PCLO: variants seen among roughly 807,000 people sequenced by gnomAD.
The protein encoded by PCLO is protein piccolo.
A neutral mutation model predicts 427.5 loss-of-function variants in PCLO; 82 were observed. The observed-to-expected ratio is 0.19, with a 90% CI of 0.16 to 0.23. The LOEUF (loss-of-function observed/expected upper bound fraction) is 0.23. Ranked by LOEUF, PCLO falls within the 10% of genes least tolerant of loss-of-function variation. The probability of loss-of-function intolerance (pLI) is 1.00; values close to 1 mark genes in which losing one functional copy is unlikely to be tolerated. For missense variants in PCLO, 6,239 were observed against 6,115.9 expected (o/e 1.02, Z -0.67); for synonymous variants, 2,357 against 2,155.4 (o/e 1.09, Z -2.59).
intron 6 of PCLO, among the ~76,000 whole-genome samples, chr7:82,932,483 G>A (rs1379914560): frequency 6.6e-6 from 1 of 152,108 alleles, no homozygotes; most frequent in Non-Finnish European, 1.5e-5. Context: ...TAGTGAGCAA[G>A]TTCTGAGATA....
intron 10 of PCLO, 23 bp from the exon 11 acceptor site, chr7:82,847,270 A>C: frequency 3.0e-6 from 4 of 1,338,998 alleles, no homozygotes; most frequent in Non-Finnish European, 4.2e-6. Flanking sequence ...ATTTGAATAT[A>C]AAATCAAACG....
At chr7:82,966,751 A>G (rs1342697809) in intron 3 of PCLO, among the ~76,000 whole-genome samples, 1 of 152,198 alleles carries the variant, frequency 6.6e-6, no homozygotes, top group East Asian at 1.9e-4. Flanking sequence ...AAATAATTAC[A>G]TTAAACGTGG....
At chr7:82,815,850 A>G (rs558132483) in intron 20 of PCLO, among the ~76,000 whole-genome samples, 1 of 152,254 alleles carries the variant, frequency 6.6e-6, no homozygotes, top group African/African-American at 2.4e-5. Context: ...TTCAAATTAT[A>G]ATTAAATTAA....
chr7:82,772,810 G>C (rs1790674334), intron 22 of PCLO, among the ~76,000 whole-genome samples: 2 of 152,078 alleles, frequency 1.3e-5, no homozygotes, highest in Non-Finnish European at 2.9e-5. Flanking sequence ...AAAATAACCA[G>C]ATTTCTTTAA....
chr7:83,095,146 A>G (rs779632948), intron 3 of PCLO, among the ~76,000 whole-genome samples: 16 of 152,194 alleles, frequency 1.1e-4, no homozygotes, highest in Non-Finnish European at 1.8e-4. Flanking sequence ...TAATAGTTGC[A>G]GAACTATTCA....
rs1790315639 is a variant in PCLO, at chr7:82,756,266, TC to T, written c.*2308del. The T allele has an allele frequency of 6.6e-6, 1 of 152,036 alleles. No individual in the cohort carries two copies. The highest frequency in any genetic ancestry group is 1.5e-5 in the Non-Finnish European group (1 of 68,012). 9.4% of individuals were successfully genotyped at this position (152,036 alleles called of 1,614,324 possible). On this transcript the variant is annotated 3_prime_UTR_variant, in exon 25 of 25. Transcript: ENST00000333891. ...AAGGAGATCTCCTTGGACCTTTTCT[TC>T]CCCAATTATGAGTGATGATTATAGG...
intron 20 of PCLO, among the ~76,000 whole-genome samples, chr7:82,808,993 G>A (rs1468041478): frequency 6.6e-6 from 1 of 151,820 alleles, no homozygotes; most frequent in Non-Finnish European, 1.5e-5. Flanking sequence ...CTAAGAATCC[G>A]TATTTTAATA....
intron 6 of PCLO, among the ~76,000 whole-genome samples, chr7:82,943,768 T>C (rs757871428): frequency 8.6e-5 from 13 of 151,932 alleles, no homozygotes; most frequent in Admixed American, 5.9e-4. Context: ...AGATAATCCA[T>C]AGATACACAA....
At chr7:82,857,751 A>G (rs1255855288) in intron 10 of PCLO, among the ~76,000 whole-genome samples, 2 of 152,156 alleles carry the variant, frequency 1.3e-5, no homozygotes, top group Non-Finnish European at 2.9e-5. Context: ...CTCTCAATCA[A>G]AATTTAAGAG....
intron 15 of PCLO, among the ~76,000 whole-genome samples, chr7:82,837,674 T>C (rs1286970520): frequency 1.3e-5 from 2 of 152,032 alleles, no homozygotes; most frequent in South Asian, 4.1e-4. Flanking sequence ...TATTTTTTAT[T>C]TATTTACCAA....
At chr7:82,971,767 G>C (rs1795913224) in intron 3 of PCLO, among the ~76,000 whole-genome samples, 1 of 149,132 alleles carries the variant, frequency 6.7e-6, no homozygotes. Flanking sequence ...TATATGTACT[G>C]AGAACATCTC....
At chr7:82,845,593 A>AG in intron 12 of PCLO, 108 bp from the exon 13 acceptor site, 1 of 703,140 alleles carries the variant, frequency 1.4e-6, no homozygotes, top group South Asian at 1.8e-5. Flanking sequence ...CCTATAAAAT[A>AG]AGCTAAACTT....
At chr7:83,045,707 T>C (rs978932547) in intron 3 of PCLO, among the ~76,000 whole-genome samples, 1 of 152,124 alleles carries the variant, frequency 6.6e-6, no homozygotes, top group Non-Finnish European at 1.5e-5. Flanking sequence ...ATGAATTTCC[T>C]AGAAATATAG....
chr7:83,006,327 GA>G (rs1024541614), intron 3 of PCLO, among the ~76,000 whole-genome samples: 4 of 151,392 alleles, frequency 2.6e-5, no homozygotes, highest in African/African-American at 7.3e-5. Context: ...TAAACAAACA[GA>G]AAAAAATACT....
At chr7:83,053,284 AAT>A (rs59303809) in intron 3 of PCLO, among the ~76,000 whole-genome samples, 39,996 of 151,768 alleles carry the variant, frequency 0.26, 5,562 homozygotes, top group Middle Eastern at 0.34. Context: ...TCTTATAAAT[AAT>A]ATGTCTTCAC....
intron 3 of PCLO, among the ~76,000 whole-genome samples, chr7:83,107,846 G>A (rs539437016): frequency 6.6e-6 from 1 of 151,386 alleles, no homozygotes; most frequent in East Asian, 1.9e-4. Flanking sequence ...AAAATTAGCT[G>A]GGCATGGTGG....
intron 10 of PCLO, among the ~76,000 whole-genome samples, chr7:82,853,446 C>T (rs1792719781): frequency 6.6e-6 from 1 of 152,020 alleles, no homozygotes; most frequent in Non-Finnish European, 1.5e-5. Flanking sequence ...TTAACTAGGA[C>T]ACTGTTTCTT....
intron 3 of PCLO, among the ~76,000 whole-genome samples, chr7:82,974,104 T>C (rs1357722146): frequency 6.6e-6 from 1 of 152,140 alleles, no homozygotes; most frequent in Non-Finnish European, 1.5e-5. Flanking sequence ...AAGATATATA[T>C]GGCTGGGTGC....
At chr7:83,157,283 T>C (rs753527130) in intron 1 of PCLO, among the ~76,000 whole-genome samples, 3 of 152,168 alleles carry the variant, frequency 2.0e-5, no homozygotes, top group African/African-American at 7.2e-5. Flanking sequence ...ATCAGTGTTA[T>C]CTTTTTTAAA....
Sources: allele counts gnomAD v4.1 joint callset (sites outside exome capture counted in the v4.1 genomes callset), GRCh38; gene constraint gnomAD v4.1.1; transcripts MANE v1.5; gene names NCBI Gene and HGNC (gene_info 2026-07-23, HGNC 2026-07-21).